Variants in PRR16 observed in about 807,000 individuals in gnomAD.
PRR16 encodes the protein protein Largen.
A neutral mutation model predicts 18.2 loss-of-function variants in PRR16; 6 were observed. The observed-to-expected ratio is 0.33, with a 90% CI of 0.18 to 0.65. The LOEUF (loss-of-function observed/expected upper bound fraction) is 0.65. Among genes scored for constraint, PRR16 ranks in the 30% least tolerant of loss-of-function variants. PRR16 has a pLI of 0.74. For missense variants in PRR16, 412 were observed against 376.6 expected (o/e 1.09, Z -0.78); for synonymous variants, 151 against 147.8 (o/e 1.02, Z -0.16).
intron 1 of PRR16, chr5:120,617,040 T>A: frequency 1.1e-6 from 1 of 874,064 alleles, no homozygotes; most frequent in Non-Finnish European, 1.4e-6. Flanking sequence ...CAGTGTTTTT[T>A]GGAAAGTCTA....
At chr5:120,617,127 G>A in intron 1 of PRR16, 2 of 985,264 alleles carry the variant, frequency 2.0e-6, no homozygotes, top group Non-Finnish European at 2.4e-6. Flanking sequence ...CTCCCCACAT[G>A]ATGAAACAGG....
chr5:120,694,165 T>C, the PRR16 span, among the ~76,000 whole-genome samples: 5 of 152,252 alleles, frequency 3.3e-5, no homozygotes, highest in South Asian at 2.1e-4. Context: ...CTTACCAAAT[T>C]ACTCGTGTTC....
intron 1 of PRR16, chr5:120,658,239 A>C (rs76084647): frequency 0.045 from 6,836 of 151,904 alleles, 415 homozygotes; most frequent in African/African-American, 0.13. Context: ...ACAGTCGGGT[A>C]ACTCTCCAGT....
At chr5:120,523,278 G>C (rs1947462) in intron 1 of PRR16, among the ~76,000 whole-genome samples, 62,834 of 151,790 alleles carry the variant, frequency 0.41, 14,364 homozygotes, top group African/African-American at 0.61. Flanking sequence ...ATACTTGAAG[G>C]TTTTTAAAGG....
chr5:120,604,529 GTT>G (rs1248709722), intron 1 of PRR16, among the ~76,000 whole-genome samples: 1 of 152,066 alleles, frequency 6.6e-6, no homozygotes, highest in Non-Finnish European at 1.5e-5. Context: ...TTTGAGTGGA[GTT>G]TTTAGTCCAT....
the PRR16 span, among the ~76,000 whole-genome samples, chr5:120,717,979 C>T: frequency 6.6e-6 from 1 of 152,004 alleles, no homozygotes; most frequent in African/African-American, 2.4e-5. Context: ...TTTTTCCCTC[C>T]TCAATCTAAA....
chr5:120,475,734 C>A (rs1479828880), intron 1 of PRR16, among the ~76,000 whole-genome samples: 1 of 151,994 alleles, frequency 6.6e-6, no homozygotes, highest in African/African-American at 2.4e-5. Context: ...AAGACTCTGC[C>A]TCAAAAAATA....
chr5:120,493,312 A>T (rs905966149), intron 1 of PRR16, among the ~76,000 whole-genome samples: 3 of 152,220 alleles, frequency 2.0e-5, no homozygotes, highest in Admixed American at 6.5e-5. Context: ...ATGATTAGTG[A>T]TGTTGAACAT....
At chr5:120,760,674 T>G in the PRR16 span, among the ~76,000 whole-genome samples, 1 of 152,114 alleles carries the variant, frequency 6.6e-6, no homozygotes, top group Admixed American at 6.6e-5. Flanking sequence ...CAGGATCACA[T>G]TAGACCTTTG....
chr5:120,674,192 A>G (rs1043016022), intron 1 of PRR16, among the ~76,000 whole-genome samples: 5 of 152,002 alleles, frequency 3.3e-5, no homozygotes, highest in Admixed American at 6.6e-5. Flanking sequence ...TTTTTTACCA[A>G]TATAGAAAAA....
At chr5:120,579,804 G>A (rs992727286) in intron 1 of PRR16, among the ~76,000 whole-genome samples, 2 of 152,084 alleles carry the variant, frequency 1.3e-5, no homozygotes, top group African/African-American at 4.8e-5. Context: ...GATGGGAATA[G>A]CATTGAATTT....
chr5:120,661,745 ATCTGTATTTCCAAAG>A (rs1182365058), intron 1 of PRR16, among the ~76,000 whole-genome samples: 1 of 151,932 alleles, frequency 6.6e-6, no homozygotes, highest in Non-Finnish European at 1.5e-5. Context: ...TCCACCTAAA[ATCTGTATTTCCAAAG>A]TCTGTATTTC....
intron 1 of PRR16, among the ~76,000 whole-genome samples, chr5:120,634,420 G>T (rs922927825): frequency 1.3e-5 from 2 of 152,168 alleles, no homozygotes. Context: ...AAGGCAGGGG[G>T]ATCAATTGAG....
Position 120,533,069 on chromosome 5 carries a change from C to T in PRR16, c.159+68424C>T, listed in dbSNP as rs111315647. ...GGCTGTTTCCACCTTGTGGGGGCTA[C>T]GGCAACTGCACTCTAGGTGTCAGAT... On this transcript the variant is annotated intron_variant, in intron 1 of 1. Coordinates refer to ENST00000407149, the MANE Select transcript of PRR16 (RefSeq NM_001300783.2). 5.7e-3 allele frequency among the ~76,000 whole-genome samples: 866 copies of T among 152,248 alleles called. 10 individuals are homozygous for T. The highest frequency in any genetic ancestry group is 7.5e-3 in the Non-Finnish European group (511 of 68,024).
intron 1 of PRR16, among the ~76,000 whole-genome samples, chr5:120,605,941 A>T (rs1180831453): frequency 1.3e-5 from 2 of 152,162 alleles, no homozygotes; most frequent in African/African-American, 4.8e-5. Flanking sequence ...TGGGGCTGCC[A>T]GCAAAAGCAC....
chr5:120,768,489 T>TTGTCTC, the PRR16 span, among the ~76,000 whole-genome samples: 7 of 151,634 alleles, frequency 4.6e-5, no homozygotes, highest in Admixed American at 6.6e-5. Flanking sequence ...CTTTCCGACT[T>TTGTCTC]TGTCTCTAAT....
chr5:120,781,898 TA>T, the PRR16 span, among the ~76,000 whole-genome samples: 1 of 152,054 alleles, frequency 6.6e-6, no homozygotes. Context: ...GTCCTTATTT[TA>T]AAGGGAAAAG....
At chr5:120,692,248 C>T (rs1757216951), downstream of PRR16, among the ~76,000 whole-genome samples, 1 of 152,138 alleles carries the variant, frequency 6.6e-6, no homozygotes, top group African/African-American at 2.4e-5. Flanking sequence ...ATAGACTAGG[C>T]TGTATGCTAT....
the PRR16 span, among the ~76,000 whole-genome samples, chr5:120,752,098 A>T: frequency 6.6e-6 from 1 of 152,112 alleles, no homozygotes; most frequent in Non-Finnish European, 1.5e-5. Context: ...TGGTTATTAC[A>T]GTCATACACA....
Sources: gnomAD v4.1 joint callset for allele counts (sites outside exome capture counted in the v4.1 genomes callset) on GRCh38, gnomAD v4.1.1 for gene constraint, MANE v1.5 for transcripts, NCBI Gene and HGNC (gene_info 2026-07-23, HGNC 2026-07-21) for gene names.